GLI3: variants seen among roughly 807,000 people sequenced by gnomAD.
The protein encoded by GLI3 is transcription activator GLI3.
Under a neutral mutation model 100.8 loss-of-function variants are expected in GLI3, and 20 were observed. The observed-to-expected ratio is 0.20, with a 90% confidence interval of 0.14 to 0.29. The LOEUF (loss-of-function observed/expected upper bound fraction) is 0.29, where lower values mean the gene tolerates loss of function less well. GLI3 is among the 10% of genes least tolerant of loss of function. The probability of loss-of-function intolerance (pLI) is 1.00; values close to 1 mark genes in which losing one functional copy is unlikely to be tolerated. For missense variants in GLI3, 2,040 were observed against 2,128.5 expected, an observed-to-expected ratio of 0.96 and a Z score of 0.82; for synonymous variants, 938 against 860.5, an observed-to-expected ratio of 1.09 and a Z score of -1.58.
chr7:42,136,575 C>A (rs770738117), intron 3 of GLI3, among the ~76,000 whole-genome samples: 3 of 152,168 alleles, frequency 2.0e-5, no homozygotes, highest in Non-Finnish European at 4.4e-5. Flanking sequence ...CACAGGCTTC[C>A]CCATTTTTAA....
chr7:42,048,720 C>G (rs759578350), intron 4 of GLI3, 24 bp from the exon 5 acceptor site: 1 of 1,488,724 alleles, frequency 6.7e-7, no homozygotes, highest in East Asian at 2.3e-5. Context: ...AAACCAGATA[C>G]AAGGGGTATG....
rs74677607 is a variant in GLI3 at position 42,039,924 on chromosome 7, T to C, written c.1028+114A>G. 4,701 of 817,542 alleles carry C rather than the reference T, an allele frequency of 5.8e-3. 24 individuals are homozygous for C. Among genetic ancestry groups the C allele is most frequent in the Non-Finnish European group, 7.6e-3 (3,550 of 469,300 alleles). The allele number at this position is 817,542 out of a possible 1,614,324, so 50.6% of individuals were successfully genotyped here. ...GCCTCTTGGTATAGGCACAGCATCATGCACTTTTATTCTTCCTCATAGGCA... is the reference window on the plus strand; with the variant it reads ...GCCTCTTGGTATAGGCACAGCATCACGCACTTTTATTCTTCCTCATAGGCA... On this transcript the variant is annotated intron_variant, in intron 7 of 14. Coordinates refer to ENST00000395925, the MANE Select transcript of GLI3 (RefSeq NM_000168.6).
chr7:42,034,312 G>A (rs573519619), intron 7 of GLI3, among the ~76,000 whole-genome samples: 2 of 152,180 alleles, frequency 1.3e-5, no homozygotes, highest in African/African-American at 4.8e-5. Context: ...TTGAATTTGT[G>A]GTTCTGCCAT....
At chr7:42,140,025 C>A (rs1184772949) in intron 3 of GLI3, among the ~76,000 whole-genome samples, 2 of 152,208 alleles carry the variant, frequency 1.3e-5, no homozygotes, top group East Asian at 1.9e-4. Flanking sequence ...CTGAAATTCA[C>A]CCTCCAACCA....
intron 3 of GLI3, among the ~76,000 whole-genome samples, chr7:42,113,035 T>C (rs1345169514): frequency 6.6e-6 from 1 of 151,912 alleles, no homozygotes; most frequent in African/African-American, 2.4e-5. Context: ...TAGCCGAGCA[T>C]GGTGGCAGGA....
intron 3 of GLI3, among the ~76,000 whole-genome samples, chr7:42,136,701 A>C (rs897719497): frequency 1.3e-5 from 2 of 152,210 alleles, no homozygotes; most frequent in Non-Finnish European, 2.9e-5. Context: ...CAGAGGTAGC[A>C]AGGACCAGTT....
chr7:42,246,001 C>G (rs1216867833), intron 1 of GLI3, among the ~76,000 whole-genome samples: 2 of 151,848 alleles, frequency 1.3e-5, no homozygotes, highest in African/African-American at 4.8e-5. Flanking sequence ...GTGTGGCATA[C>G]AGGTCACCTC....
intron 3 of GLI3, among the ~76,000 whole-genome samples, chr7:42,140,371 A>G (rs1786538243): frequency 6.6e-6 from 1 of 152,228 alleles, no homozygotes; most frequent in South Asian, 2.1e-4. Flanking sequence ...GAATGAACAC[A>G]AAAATAAATA....
chr7:42,015,811 C>A (rs1788744185), intron 10 of GLI3, among the ~76,000 whole-genome samples: 1 of 151,818 alleles, frequency 6.6e-6, no homozygotes, highest in African/African-American at 2.4e-5. Flanking sequence ...TTAATGAGAT[C>A]ATCTCTTATT....
chr7:42,240,326 T>G (rs1349913476), upstream of GLI3, among the ~76,000 whole-genome samples: 1 of 152,202 alleles, frequency 6.6e-6, no homozygotes, highest in Admixed American at 6.5e-5. Context: ...AACAGTGAAG[T>G]AGGAGATACT....
At chr7:42,194,602 C>G (rs945348287) in intron 2 of GLI3, among the ~76,000 whole-genome samples, 2 of 152,042 alleles carry the variant, frequency 1.3e-5, no homozygotes, top group Non-Finnish European at 2.9e-5. Context: ...GCTCTACTCC[C>G]GTCTGTCTTA....
At chr7:42,151,893 A>G (rs1260482772) in intron 2 of GLI3, 1 of 151,976 alleles carries the variant, frequency 6.6e-6, no homozygotes, top group East Asian at 1.9e-4. Flanking sequence ...TTGGTGCTAG[A>G]AACTCAGAAA....
intron 11 of GLI3, chr7:41,977,979 G>T: frequency 1.9e-6 from 1 of 530,928 alleles, no homozygotes; most frequent in Non-Finnish European, 3.4e-6. Context: ...TGGACAATGG[G>T]TTTCATTATC....
Position 41,989,236 on chromosome 7 carries a change from G to A in GLI3, c.1498-10488C>T, listed in dbSNP as rs190510804. ...AAAAAAGACTATTAAACACAGATAG[G>A]CAAAATTATTTTAACTGTGTAGTCA... On this transcript the variant is annotated intron_variant, in intron 10 of 14. Transcript: ENST00000395925. 1.4e-3 allele frequency among the ~76,000 whole-genome samples: 213 copies of A among 152,242 alleles called. 1 individual carries two copies. The highest frequency in any genetic ancestry group is 2.7e-3 in the Non-Finnish European group (181 of 68,006).
In GLI3 at chr7:42,182,662, A is replaced by ATATATATATATATATACATGTGTGTGTG. The variant is rs1787627482; in HGVS notation, c.125-34195_125-34194insCACACACACATGTATATATATATATATA. Among the ~76,000 whole-genome samples the ATATATATATATATATACATGTGTGTGTG allele has an allele frequency of 2.0e-4, 15 of 76,712 alleles. 1 individual carries two copies. The highest frequency in any genetic ancestry group is 4.7e-4 in the African/African-American group (7 of 14,972). 50.3% of individuals were successfully genotyped at this position (76,712 alleles called of 152,430 possible). On this transcript the variant is annotated intron_variant, in intron 2 of 14. Coordinates refer to ENST00000395925, the MANE Select transcript of GLI3 (RefSeq NM_000168.6). The stretch of plus-strand genomic sequence containing the variant: ...TGTGTGTGTATATATATATATATAT[A>ATATATATATATATATACATGTGTGTGTG]TATATATATATATATATATACACAT...
intron 4 of GLI3, among the ~76,000 whole-genome samples, chr7:42,065,918 C>G (rs766513129): frequency 6.6e-6 from 1 of 152,178 alleles, no homozygotes; most frequent in African/African-American, 2.4e-5. Context: ...TGAAGCACTA[C>G]TCTCCTCACT....
intron 7 of GLI3, among the ~76,000 whole-genome samples, chr7:42,039,644 T>TG (rs1784089363): frequency 6.6e-6 from 1 of 152,236 alleles, no homozygotes; most frequent in African/African-American, 2.4e-5. Context: ...CTGCCATGAC[T>TG]GGTCTTTTTA....
chr7:42,143,250 GA>G (rs1017380724), intron 3 of GLI3, among the ~76,000 whole-genome samples: 10 of 152,062 alleles, frequency 6.6e-5, no homozygotes, highest in Non-Finnish European at 1.0e-4. Context: ...TCAAAGGGCG[GA>G]AAAAAACAAA....
chr7:42,247,444 A>G (rs1788987446), intron 1 of GLI3, among the ~76,000 whole-genome samples: 2 of 152,196 alleles, frequency 1.3e-5, no homozygotes. Context: ...TGTCTAGTGT[A>G]TTGAGAGACA....
Sources: gnomAD v4.1 joint callset for allele counts (sites outside exome capture counted in the v4.1 genomes callset) on GRCh38, gnomAD v4.1.1 for gene constraint, MANE v1.5 for transcripts, NCBI Gene and HGNC (gene_info 2026-07-23, HGNC 2026-07-21) for gene names.